ZNRF2: variants seen among roughly 807,000 people sequenced by gnomAD.
ZNRF2 encodes the protein zinc and ring finger 2.
In ZNRF2, 16 loss-of-function variants were observed where a neutral mutation model predicts 20.4. The observed-to-expected ratio is 0.79, with a 90% CI of 0.53 to 1.19. ZNRF2 has a LOEUF of 1.19. Ranked by LOEUF, ZNRF2 falls within the 50% of genes most tolerant of loss-of-function variation. The probability of loss-of-function intolerance (pLI) is 0.00; values close to 1 mark genes in which losing one functional copy is unlikely to be tolerated. For missense variants in ZNRF2, 363 were observed against 332.4 expected (o/e 1.09, Z -0.72); for synonymous variants, 178 against 144.9 (o/e 1.23, Z -1.64).
chr7:30,351,020 A>G (rs1254323864), intron 2 of ZNRF2, among the ~76,000 whole-genome samples: 2 of 150,930 alleles, frequency 1.3e-5, no homozygotes, highest in Non-Finnish European at 3.0e-5. Context: ...TTTTTTTTAA[A>G]GAATTTTGGC....
intron 2 of ZNRF2, among the ~76,000 whole-genome samples, chr7:30,326,971 A>T (rs1430500678): frequency 6.6e-6 from 1 of 151,714 alleles, no homozygotes; most frequent in African/African-American, 2.4e-5. Flanking sequence ...ACATTTTTTC[A>T]TGGGGTTGTT....
intron 2 of ZNRF2, among the ~76,000 whole-genome samples, chr7:30,347,458 G>T (rs2127954062): frequency 6.6e-6 from 1 of 152,176 alleles, no homozygotes; most frequent in Non-Finnish European, 1.5e-5. Context: ...CTGACTGCTT[G>T]GGCAGTTTAA....
chr7:30,333,055 T>C (rs895882466), intron 2 of ZNRF2, among the ~76,000 whole-genome samples: 4 of 137,216 alleles, frequency 2.9e-5, no homozygotes, highest in Non-Finnish European at 6.4e-5. Flanking sequence ...ATATTTTGAC[T>C]TTTTTTTTTT....
chr7:30,341,420 G>A (rs1296531682), intron 2 of ZNRF2, among the ~76,000 whole-genome samples: 2 of 152,170 alleles, frequency 1.3e-5, no homozygotes, highest in Admixed American at 6.5e-5. Context: ...GGGTCCCAGA[G>A]ATTCCAGTAC....
At chr7:30,306,937 G>A (rs557915265) in intron 1 of ZNRF2, among the ~76,000 whole-genome samples, 1 of 152,030 alleles carries the variant, frequency 6.6e-6, no homozygotes, top group South Asian at 2.1e-4. Flanking sequence ...TTTTATTCTG[G>A]GTGCATAGAT....
chr7:30,324,972 C>G, intron 2 of ZNRF2, among the ~76,000 whole-genome samples: 1 of 152,214 alleles, frequency 6.6e-6, no homozygotes, highest in South Asian at 2.1e-4. Flanking sequence ...GTCTTTCCTC[C>G]CATATACAAA....
intron 4 of ZNRF2, 53 bp from the exon 5 acceptor site, chr7:30,365,982 G>A (rs944369628): frequency 8.5e-5 from 13 of 152,132 alleles, no homozygotes; most frequent in African/African-American, 2.7e-4. Context: ...GTAAGGGTAT[G>A]AAGACTTACA....
rs777225411 is a variant in ZNRF2, at chr7:30,285,686, C to A, written c.329C>A (p.Pro110Gln). The A allele has an allele frequency of 4.2e-5, 61 of 1,460,464 alleles. No individual in the cohort carries two copies. The highest frequency in any genetic ancestry group is 5.4e-5 in the Non-Finnish European group (60 of 1,113,184). The allele number at this position is 1,460,464 out of a possible 1,614,324, so 90.5% of individuals were successfully genotyped here. Reference sequence around the variant, plus strand: ...AGCATCCCGAACAGCAGCAGCGGCCCGTACGGCTCGCAGGACTCGGTGCAC... The same window carrying A: ...AGCATCCCGAACAGCAGCAGCGGCCAGTACGGCTCGCAGGACTCGGTGCAC... ...PFSIPNSSSG[P>Q]YGSQDSVHSS... The change falls in exon 1 of 5, where the codon CCG becomes CAG. Residue 110 changes from proline to glutamine, a missense_variant. Physicochemically the swap from Pro to Gln is moderately conservative, Grantham distance 76. This residue lies in a region of ZNRF2 where 302 missense variants were observed against 231.5 expected (regional missense o/e 1.30). Transcript: ENST00000323037.
intron 2 of ZNRF2, among the ~76,000 whole-genome samples, chr7:30,331,738 C>G (rs951038704): frequency 2.6e-5 from 4 of 152,118 alleles, no homozygotes; most frequent in South Asian, 2.1e-4. Context: ...AAAAATAAAT[C>G]CATATCTAGA....
chr7:30,315,187 A>G (rs1799350633), intron 1 of ZNRF2, among the ~76,000 whole-genome samples: 1 of 151,960 alleles, frequency 6.6e-6, no homozygotes, highest in Non-Finnish European at 1.5e-5. Flanking sequence ...CATGGTACCT[A>G]AGTGTCTGTT....
intron 1 of ZNRF2, among the ~76,000 whole-genome samples, chr7:30,322,572 C>T (rs1306928329): frequency 2.6e-5 from 4 of 152,132 alleles, no homozygotes; most frequent in African/African-American, 9.7e-5. Flanking sequence ...CCGTCATGGA[C>T]ACCACTGTCT....
chr7:30,304,712 G>T (rs968495710), intron 1 of ZNRF2, among the ~76,000 whole-genome samples: 2 of 152,140 alleles, frequency 1.3e-5, no homozygotes, highest in African/African-American at 4.8e-5. Flanking sequence ...GGACTTAAGG[G>T]ATATTCATCA....
chr7:30,321,178 T>C (rs1562612079), intron 1 of ZNRF2, among the ~76,000 whole-genome samples: 1 of 152,136 alleles, frequency 6.6e-6, no homozygotes, highest in Admixed American at 6.6e-5. Context: ...AGTGGGGGTA[T>C]GGTATTTGCT....
chr7:30,345,723 C>T (rs1224762037), intron 2 of ZNRF2, among the ~76,000 whole-genome samples: 1 of 152,060 alleles, frequency 6.6e-6, no homozygotes, highest in Non-Finnish European at 1.5e-5. Context: ...GGGATTGTCT[C>T]TGAGTTCTTC....
rs939073688 is a variant in ZNRF2 at position 30,285,151 on chromosome 7, G to T, written c.-207G>T. 4.8e-6 allele frequency: 2 copies of T among 417,432 alleles called. No individual in the cohort carries two copies. Among genetic ancestry groups the T allele is most frequent in the Non-Finnish European group, 9.2e-6 (2 of 216,920 alleles). The allele number at this position is 417,432 out of a possible 1,614,324, so 25.9% of individuals were successfully genotyped here. On this transcript the variant is annotated 5_prime_UTR_variant, in exon 1 of 5. Coordinates refer to ENST00000323037, the MANE Select transcript of ZNRF2 (RefSeq NM_147128.4). Reference sequence around the variant, plus strand: ...GCGTCTCCTCGTCTCCCGCGCCCGCGTCAGGCCGTCGGCCTCGCCCGCCGC... The same window carrying T: ...GCGTCTCCTCGTCTCCCGCGCCCGCTTCAGGCCGTCGGCCTCGCCCGCCGC...
rs1800234577 is a variant in ZNRF2 at position 30,367,512 on chromosome 7, T to C, written c.*1500T>C. ...TTTTAATCTTTCTTTACTCATAATG[T>C]ATTTAAGAATTTGCTGTTTTATTTA... On this transcript the variant is annotated 3_prime_UTR_variant, in exon 5 of 5. Coordinates refer to ENST00000323037, the MANE Select transcript of ZNRF2 (RefSeq NM_147128.4). The C allele has an allele frequency of 6.6e-6, 1 of 152,138 alleles. No homozygotes were observed. The highest frequency in any genetic ancestry group is 2.4e-5 in the African/African-American group (1 of 41,448). 9.4% of individuals were successfully genotyped at this position (152,138 alleles called of 1,614,324 possible).
intron 1 of ZNRF2, among the ~76,000 whole-genome samples, chr7:30,319,388 T>C (rs1469349729): frequency 2.6e-5 from 4 of 152,160 alleles, no homozygotes; most frequent in Non-Finnish European, 4.4e-5. Context: ...TCTCACCAAA[T>C]TTCTAATGTG....
chr7:30,330,891 C>T (rs1312498689), intron 2 of ZNRF2, among the ~76,000 whole-genome samples: 3 of 152,090 alleles, frequency 2.0e-5, no homozygotes, highest in Non-Finnish European at 2.9e-5. Context: ...TCTGATTTGA[C>T]GTCTCTGTTC....
At chr7:30,333,835 A>T (rs1216868417) in intron 2 of ZNRF2, among the ~76,000 whole-genome samples, 1 of 152,032 alleles carries the variant, frequency 6.6e-6, no homozygotes, top group Non-Finnish European at 1.5e-5. Flanking sequence ...GCCTTTGCCC[A>T]CTTCTTAAGG....
Sources: allele counts gnomAD v4.1 joint callset (sites outside exome capture counted in the v4.1 genomes callset), GRCh38; gene constraint gnomAD v4.1.1; regional missense constraint gnomAD v4.1.1; transcripts MANE v1.5; gene names NCBI Gene and HGNC (gene_info 2026-07-23, HGNC 2026-07-21).